The following PTPRU variants were observed in gnomAD, a reference collection of about 807,000 sequenced individuals.
PTPRU encodes the protein protein tyrosine phosphatase receptor type U.
PTPRU carries 69 observed loss-of-function variants against 166.3 expected under a neutral mutation model. The observed-to-expected ratio is 0.41, with a 90% confidence interval of 0.34 to 0.51. The LOEUF (loss-of-function observed/expected upper bound fraction) is 0.51, where lower values mean the gene tolerates loss of function less well. PTPRU is among the 20% of genes least tolerant of loss of function. PTPRU has a pLI of 0.09. For missense variants in PTPRU, 1,657 were observed against 2,013.7 expected, an observed-to-expected ratio of 0.82 and a Z score of 3.39; for synonymous variants, 793 against 814.0, an observed-to-expected ratio of 0.97 and a Z score of 0.44.
rs577669062 is a variant in PTPRU, at chr1:29,287,974, C to T, written c.2318+3105C>T. On this transcript the variant is annotated intron_variant, in intron 14 of 29. Transcript: ENST00000373779. ...GATTACAGGCGCCCACCACCATACT[C>T]GGCTAATTTTTTGTATTTTTAGTAG... Among the ~76,000 whole-genome samples, 10 of 152,134 alleles carry T rather than the reference C, an allele frequency of 6.6e-5. No individual in the cohort carries two copies. In the East Asian group the frequency reaches 1.7e-3, roughly 26 times the overall value.
chr1:29,275,582 C>T lies in PTPRU; in HGVS notation c.1279C>T (p.Leu427=). ...TGTGTCGCTGTGCTATCACTACACCCTGGGCAGCAGCCACAACCAGACCAT... is the reference window on the plus strand; with the variant it reads ...TGTGTCGCTGTGCTATCACTACACCTTGGGCAGCAGCCACAACCAGACCAT... ...YTVSLCYHYT[L]GSSHNQTIRE... Residue 427 remains leucine, a synonymous_variant, in exon 8 of 30, where the codon CTG becomes TTG. Coordinates refer to ENST00000373779, the MANE Select transcript of PTPRU (RefSeq NM_133178.4). The T allele has an allele frequency of 6.2e-7, 1 of 1,614,206 alleles. No individual in the cohort carries two copies. The highest frequency in any genetic ancestry group is 8.5e-7 in the Non-Finnish European group (1 of 1,180,040).
intron 1 of PTPRU, among the ~76,000 whole-genome samples, chr1:29,250,832 C>A (rs779336081): frequency 5.9e-5 from 9 of 152,210 alleles, no homozygotes; most frequent in Non-Finnish European, 1.2e-4. Flanking sequence ...GAGGGTGGGG[C>A]TCTCCTTAGG....
intron 15 of PTPRU, among the ~76,000 whole-genome samples, chr1:29,297,928 G>A (rs1015031513): frequency 1.3e-5 from 2 of 152,138 alleles, no homozygotes; most frequent in East Asian, 1.9e-4. Context: ...TGGTGAGGAG[G>A]AAGGGGCACT....
intron 1 of PTPRU, among the ~76,000 whole-genome samples, chr1:29,241,552 G>A (rs1684054843): frequency 1.3e-5 from 2 of 151,818 alleles, no homozygotes; most frequent in South Asian, 2.1e-4. Context: ...GAGTCTGGGT[G>A]TGGGGTGCCA....
chr1:29,312,097 G>T (rs186359761), intron 21 of PTPRU, among the ~76,000 whole-genome samples: 1 of 152,230 alleles, frequency 6.6e-6, no homozygotes, highest in African/African-American at 2.4e-5. Context: ...GGCTCAGAGG[G>T]CTTATGCCAG....
At chr1:29,250,272 A>C (rs6670211) in intron 1 of PTPRU, among the ~76,000 whole-genome samples, 70,516 of 151,838 alleles carry the variant, frequency 0.46, 17,326 homozygotes, top group Non-Finnish European at 0.54. Flanking sequence ...TGTACCTCTA[A>C]TAGTGCCAGC....
rs763226511 is a variant in PTPRU at position 29,317,885 on chromosome 1, G to T, written c.3651G>T (p.Gly1217=). 6.2e-7 allele frequency: 1 copy of T among 1,614,018 alleles called. No individual in the cohort carries two copies. Among genetic ancestry groups the T allele is most frequent in the Non-Finnish European group, 8.5e-7 (1 of 1,180,020 alleles). Residue 1217 remains glycine (G), a synonymous_variant, in exon 25 of 30, where the codon GGG becomes GGT. Coordinates refer to ENST00000373779, the MANE Select transcript of PTPRU (RefSeq NM_133178.4). This position sits in a 1 kb window ranked among gnomAD's most constrained non-coding sequence, Gnocchi z 5.6. Reference sequence around the variant, plus strand: ...TGCCCTTCCTCATCTCCACTGATGGGGACTCCAACAACTACATTAATGCAG... The same window carrying T: ...TGCCCTTCCTCATCTCCACTGATGGTGACTCCAACAACTACATTAATGCAG... ...RCLPFLISTD[G]DSNNYINAAL... is the part of the protein sequence containing the mutation.
At chr1:29,239,069 G>C (rs538620429) in intron 1 of PTPRU, among the ~76,000 whole-genome samples, 78 of 152,304 alleles carry the variant, frequency 5.1e-4, no homozygotes, top group African/African-American at 1.4e-3. Flanking sequence ...ATTTAAAGCT[G>C]GGGTATTAGG....
chr1:29,287,593 GTTTTTTT>G (rs34816026), intron 14 of PTPRU, among the ~76,000 whole-genome samples: 2 of 129,918 alleles, frequency 1.5e-5, no homozygotes, highest in Non-Finnish European at 3.3e-5. Flanking sequence ...GTGTATGTAT[GTTTTTTT>G]TTTTTTTTTT....
chr1:29,266,915 C>A (rs998336473), intron 7 of PTPRU, among the ~76,000 whole-genome samples: 5 of 151,896 alleles, frequency 3.3e-5, no homozygotes, highest in Non-Finnish European at 5.9e-5. Context: ...TTTTCACTCA[C>A]ACGTGCATCA....
chr1:29,272,688 G>A (rs1335627735), intron 7 of PTPRU, among the ~76,000 whole-genome samples: 1 of 151,892 alleles, frequency 6.6e-6, no homozygotes, highest in African/African-American at 2.4e-5. Context: ...AGGAGGATCA[G>A]TTGAGCCCAG....
chr1:29,324,659 G>T (rs1688320148), intron 28 of PTPRU, among the ~76,000 whole-genome samples: 1 of 152,162 alleles, frequency 6.6e-6, no homozygotes, highest in South Asian at 2.1e-4. Context: ...GTTTCTCTTG[G>T]AGTGTGTCTG....
intron 28 of PTPRU, 32 bp from the exon 29 acceptor site, chr1:29,325,159 C>G: frequency 6.2e-6 from 10 of 1,613,578 alleles, no homozygotes; most frequent in Non-Finnish European, 8.5e-6. Flanking sequence ...GTTCCAAGGC[C>G]CCGCCCCTCA....
intron 2 of PTPRU, among the ~76,000 whole-genome samples, chr1:29,256,728 G>T (rs116375334): frequency 6.6e-6 from 1 of 152,200 alleles, no homozygotes; most frequent in Non-Finnish European, 1.5e-5. Flanking sequence ...CAGGGACCTC[G>T]TGTGGGCCTC....
intron 1 of PTPRU, among the ~76,000 whole-genome samples, chr1:29,240,385 A>C (rs920247448): frequency 2.6e-5 from 4 of 152,188 alleles, no homozygotes; most frequent in Non-Finnish European, 5.9e-5. Flanking sequence ...GGCCTGGCCC[A>C]CCGGGTCTGA....
chr1:29,246,321 A>G (rs554571833), intron 1 of PTPRU, among the ~76,000 whole-genome samples: 2 of 152,328 alleles, frequency 1.3e-5, no homozygotes, highest in East Asian at 3.9e-4. Context: ...TTTTGTTGTC[A>G]GCCCTACGTG....
In PTPRU at chr1:29,317,204, G is replaced by A. The variant is rs1017711438; in HGVS notation, c.3514-544G>A. 4.6e-5 allele frequency among the ~76,000 whole-genome samples: 7 copies of A among 152,134 alleles called. No homozygotes were observed. The highest frequency in any genetic ancestry group is 1.7e-4 in the African/African-American group (7 of 41,428). The stretch of plus-strand genomic sequence containing the variant: ...GGCATGCGGGCGGAGGAGATGCCCC[G>A]GAGATCCAGGTGTGATTCAGTGCCC... On this transcript the variant is annotated intron_variant, in intron 24 of 29. Coordinates refer to ENST00000373779, the MANE Select transcript of PTPRU (RefSeq NM_133178.4). This position sits in a 1 kb window ranked among gnomAD's most constrained non-coding sequence, Gnocchi z 5.6.
chr1:29,280,115 G>A lies in PTPRU; in HGVS notation c.1842G>A (p.Pro614=), dbSNP rs201241001. 5.6e-5 allele frequency: 90 copies of A among 1,613,292 alleles called. No individual in the cohort carries two copies. The highest frequency in any genetic ancestry group is 7.1e-5 in the Non-Finnish European group (84 of 1,179,854). The change falls in exon 11 of 30, where the codon CCG becomes CCA. Residue 614 remains proline, a synonymous_variant. Transcript: ENST00000373779. The surrounding 1 kb of genome is among the most constrained non-coding windows in gnomAD (Gnocchi z 4.2). ...ACACCATCACCGTGCTGCTGAGGCC[G>A]GCACAGGGCCGCGGTGCGCCCATCA... The part of the protein sequence containing the change: ...SENTITVLLR[P]AQGRGAPISV...
At chr1:29,289,688 A>G (rs1401183959) in intron 14 of PTPRU, 1 of 1,613,758 alleles carries the variant, frequency 6.2e-7, no homozygotes, top group Non-Finnish European at 8.5e-7. Context: ...GCCAGGAGAG[A>G]CCACTATGCC....
Sources: gnomAD v4.1 joint callset for allele counts (sites outside exome capture counted in the v4.1 genomes callset) on GRCh38, gnomAD v4.1.1 for gene constraint, Gnocchi (gnomAD v3.1) non-coding constraint, MANE v1.5 for transcripts, NCBI Gene and HGNC (gene_info 2026-07-23, HGNC 2026-07-21) for gene names.